HECTD4: variants seen among roughly 807,000 people sequenced by gnomAD.
HECTD4 encodes HECT domain E3 ubiquitin protein ligase 4, also known as probable E3 ubiquitin-protein ligase HECTD4.
A neutral mutation model predicts 471.5 loss-of-function variants in HECTD4; 114 were observed. The observed-to-expected ratio is 0.24, with a 90% CI of 0.21 to 0.28. HECTD4 has a LOEUF of 0.28. HECTD4 is among the 10% of genes least tolerant of loss of function. HECTD4 has a pLI of 1.00. For synonymous variants in HECTD4, 2,012 were observed against 2,256.0 expected, an observed-to-expected ratio of 0.89 and a Z score of 3.07; for missense variants, 3,866 against 5,651.5, an observed-to-expected ratio of 0.68 and a Z score of 10.13.
chr12:112,245,869 C>T (rs1246530755), intron 29 of HECTD4, among the ~76,000 whole-genome samples: 2 of 152,164 alleles, frequency 1.3e-5, no homozygotes, highest in African/African-American at 4.8e-5. Flanking sequence ...TGGTGGCTCA[C>T]GCCTGTAATC....
intron 1 of HECTD4, among the ~76,000 whole-genome samples, chr12:112,373,361 C>T (rs535713019): frequency 1.7e-4 from 26 of 151,686 alleles, no homozygotes; most frequent in Non-Finnish European, 2.9e-4. Flanking sequence ...GGTGAAACCC[C>T]GTCTCTACTA....
chr12:112,360,432 T>C (rs1349330632), intron 1 of HECTD4, among the ~76,000 whole-genome samples: 11 of 152,318 alleles, frequency 7.2e-5, no homozygotes, highest in African/African-American at 2.4e-4. Context: ...AGGGTTTCCA[T>C]TGGAAGCATC....
rs1293014213 is a variant in HECTD4 at position 112,190,857 on chromosome 12, C to A, written c.9401G>T (p.Ser3134Ile). Residue 3134 changes from serine to isoleucine, a missense_variant, in exon 60 of 76, where the codon AGT becomes ATT. Physicochemically the swap from Ser to Ile is moderately radical, Grantham distance 142 (BLOSUM62 -2). Around this residue, in one of 16 missense-constraint regions of HECTD4, gnomAD observed 364 missense variants for 413.2 expected, o/e 0.88. Transcript: ENST00000682272. ...EQLLSWKSED[S>I]EGKSEDEPDT... Reference sequence around the variant, plus strand: ...AGGCTCATCTTCGGACTTCCCTTCACTGTCCTCTGATTTCCAGGACAGCAG... The same window carrying A: ...AGGCTCATCTTCGGACTTCCCTTCAATGTCCTCTGATTTCCAGGACAGCAG... 10 of 1,583,984 alleles carry A rather than the reference C, an allele frequency of 6.3e-6. No homozygotes were observed. The highest frequency in any genetic ancestry group is 8.6e-6 in the Non-Finnish European group (10 of 1,165,178).
chr12:112,328,718 T>C (rs1187898179), intron 1 of HECTD4, among the ~76,000 whole-genome samples: 2 of 152,244 alleles, frequency 1.3e-5, no homozygotes, highest in African/African-American at 4.8e-5. Context: ...CTGCACGACC[T>C]TATCCAACTT....
Position 112,187,920 on chromosome 12 carries a change from C to A in HECTD4, c.9473-2427G>T, listed in dbSNP as rs572276167. 8.2e-4 allele frequency among the ~76,000 whole-genome samples: 124 copies of A among 152,082 alleles called. 2 individuals carry two copies. The South Asian group carries it at 0.023, about 29-fold the overall frequency. ...GGATTACAGGCATGAGCCACTGTGC[C>A]CAGCCAAGGTTTCCTTAAAACTAAA... On this transcript the variant is annotated intron_variant, in intron 60 of 75. Coordinates refer to ENST00000682272, the MANE Select transcript of HECTD4 (RefSeq NM_001388303.1).
intron 1 of HECTD4, among the ~76,000 whole-genome samples, chr12:112,379,202 T>G (rs1010251567): frequency 1.3e-5 from 2 of 151,816 alleles, no homozygotes; most frequent in African/African-American, 2.4e-5. Flanking sequence ...AATAAAATAT[T>G]ATGATGAGGA....
chr12:112,339,138 C>A (rs1285930358), intron 1 of HECTD4, among the ~76,000 whole-genome samples: 4 of 151,874 alleles, frequency 2.6e-5, no homozygotes, highest in Non-Finnish European at 5.9e-5. Context: ...CAAGAATATT[C>A]GTAGCAACAC....
chr12:112,366,871 ACT>A (rs1161939699), intron 1 of HECTD4, among the ~76,000 whole-genome samples: 8 of 145,554 alleles, frequency 5.5e-5, no homozygotes, highest in African/African-American at 1.5e-4. Context: ...CAAGAGTGAA[ACT>A]CTGTCTCAAA....
intron 62 of HECTD4, among the ~76,000 whole-genome samples, chr12:112,181,652 G>A (rs1211856675): frequency 5.3e-5 from 8 of 152,164 alleles, no homozygotes; most frequent in Non-Finnish European, 1.0e-4. Flanking sequence ...TAGAGACGAG[G>A]TCTCACTATG....
chr12:112,335,517 CCT>C (rs1417233025), intron 1 of HECTD4, among the ~76,000 whole-genome samples: 1 of 152,036 alleles, frequency 6.6e-6, no homozygotes, highest in African/African-American at 2.4e-5. Flanking sequence ...ATGGTGAAAC[CCT>C]GTCTCTAAAA....
chr12:112,332,862 C>T (rs1003344351), intron 1 of HECTD4, among the ~76,000 whole-genome samples: 19 of 150,546 alleles, frequency 1.3e-4, no homozygotes, highest in Admixed American at 2.0e-4. Context: ...TCTCCATTTT[C>T]CCCAAATCTC....
At chr12:112,369,096 A>G (rs578012480) in intron 1 of HECTD4, among the ~76,000 whole-genome samples, 1 of 152,206 alleles carries the variant, frequency 6.6e-6, no homozygotes, top group East Asian at 1.9e-4. Context: ...CTGCCTATAT[A>G]TAGACATGGT....
intron 38 of HECTD4, among the ~76,000 whole-genome samples, chr12:112,232,513 C>A (rs1015117578): frequency 6.6e-6 from 1 of 152,160 alleles, no homozygotes; most frequent in African/African-American, 2.4e-5. Flanking sequence ...TTTACCCTCA[C>A]CTTGACAATA....
At chr12:112,260,600 A>G (rs1482884822) in intron 18 of HECTD4, among the ~76,000 whole-genome samples, 1 of 151,274 alleles carries the variant, frequency 6.6e-6, no homozygotes, top group East Asian at 1.9e-4. Context: ...TTTTTGAGAC[A>G]GAGTCTCGCT....
intron 7 of HECTD4, chr12:112,302,312 T>C: frequency 1.3e-6 from 1 of 768,106 alleles, no homozygotes; most frequent in Non-Finnish European, 2.4e-6. Flanking sequence ...AGCAGCTTTC[T>C]TCTCAGCCTG....
chr12:112,379,020 C>T (rs957869694), intron 1 of HECTD4, among the ~76,000 whole-genome samples: 5 of 151,334 alleles, frequency 3.3e-5, no homozygotes, highest in East Asian at 1.9e-4. Flanking sequence ...CCAGCCTGGG[C>T]GACAGAGCAA....
chr12:112,226,569 A>G (rs916497289), intron 44 of HECTD4, 74 bp downstream of exon 44: 10 of 934,894 alleles, frequency 1.1e-5, no homozygotes, highest in Non-Finnish European at 1.3e-5. Context: ...GACACTTAAC[A>G]TACCATTATC....
intron 1 of HECTD4, among the ~76,000 whole-genome samples, chr12:112,320,561 C>T (rs1413451680): frequency 3.3e-5 from 5 of 151,824 alleles, no homozygotes; most frequent in African/African-American, 1.2e-4. Context: ...ATTAGCCAGG[C>T]GTGGTGGCCC....
At position 112,381,075 on chromosome 12, in the gene HECTD4, C is replaced by A. The variant is rs1197379800; in HGVS notation, c.177+877G>T. Among the ~76,000 whole-genome samples the A allele has an allele frequency of 2.6e-5, 4 of 152,104 alleles. No individual in the cohort carries two copies. Among genetic ancestry groups the A allele is most frequent in the Non-Finnish European group, 4.4e-5 (3 of 68,026 alleles). ...GTGGAAGGGGAGCAGTGTCAGCATC[C>A]GTTGGCCTCCATGAAACGACACTGC... On this transcript the variant is annotated intron_variant, in intron 1 of 75. Transcript: ENST00000682272. The surrounding 1 kb of genome is among the most constrained non-coding windows in gnomAD (Gnocchi z 4.1).
Sources: gnomAD v4.1 joint callset for allele counts (sites outside exome capture counted in the v4.1 genomes callset) on GRCh38, gnomAD v4.1.1 for gene constraint, gnomAD v4.1.1 regional missense constraint, Gnocchi (gnomAD v3.1) non-coding constraint, MANE v1.5 for transcripts, NCBI Gene and HGNC (gene_info 2026-07-23, HGNC 2026-07-21) for gene names.